Variants in MGMT observed in about 807,000 individuals in gnomAD.
MGMT encodes the protein O-6-methylguanine-DNA methyltransferase.
A neutral mutation model predicts 15.9 loss-of-function variants in MGMT; 14 were observed. The ratio of observed to expected loss-of-function variants is 0.88; its 90% CI spans 0.58 to 1.37. The LOEUF (loss-of-function observed/expected upper bound fraction) is 1.37, where lower values mean the gene tolerates loss of function less well. Ranked by LOEUF, MGMT falls within the 40% of genes most tolerant of loss-of-function variation. MGMT has a pLI of 0.00. For synonymous variants in MGMT, 130 were observed against 118.2 expected (o/e 1.10, Z -0.65); for missense variants, 282 against 268.1 (o/e 1.05, Z -0.36).
chr10:129,672,040 A>G (rs1185161170), intron 2 of MGMT, among the ~76,000 whole-genome samples: 2 of 152,256 alleles, frequency 1.3e-5, no homozygotes, highest in Non-Finnish European at 2.9e-5. Context: ...CTACATGAAT[A>G]CTTGTTTTGG....
At chr10:129,758,833 A>G (rs1418773052) in intron 3 of MGMT, among the ~76,000 whole-genome samples, 1 of 152,186 alleles carries the variant, frequency 6.6e-6, no homozygotes, top group African/African-American at 2.4e-5. Flanking sequence ...AAGATTTCCA[A>G]GCAGGCGGGC....
intron 1 of MGMT, among the ~76,000 whole-genome samples, chr10:129,516,948 A>T (rs1401112713): frequency 6.6e-6 from 1 of 152,232 alleles, no homozygotes; most frequent in African/African-American, 2.4e-5. Flanking sequence ...ACCAACTCTT[A>T]TAGAATATTG....
chr10:129,733,289 T>C (rs1331870985), intron 3 of MGMT, among the ~76,000 whole-genome samples: 6 of 151,586 alleles, frequency 4.0e-5, no homozygotes, highest in Non-Finnish European at 8.8e-5. Flanking sequence ...GGTTTGGATT[T>C]GCATTTCTCT....
intron 2 of MGMT, among the ~76,000 whole-genome samples, chr10:129,539,393 C>G (rs1206557571): frequency 6.6e-6 from 1 of 152,130 alleles, no homozygotes; most frequent in Admixed American, 6.6e-5. Flanking sequence ...CATCAGTTGA[C>G]CAAGGGTGTG....
chr10:129,522,540 T>C (rs748265076), intron 1 of MGMT, among the ~76,000 whole-genome samples: 3 of 152,232 alleles, frequency 2.0e-5, no homozygotes, highest in South Asian at 2.1e-4. Flanking sequence ...ACACACATTA[T>C]GGTGAATCCC....
At chr10:129,640,023 T>G (rs1271954438) in intron 2 of MGMT, among the ~76,000 whole-genome samples, 1 of 150,256 alleles carries the variant, frequency 6.7e-6, no homozygotes, top group Non-Finnish European at 1.5e-5. Flanking sequence ...CAAAACATAC[T>G]GACACTGAAA....
intron 3 of MGMT, among the ~76,000 whole-genome samples, chr10:129,734,330 T>A (rs1195323971): frequency 1.4e-5 from 2 of 139,858 alleles, no homozygotes; most frequent in African/African-American, 4.9e-5. Flanking sequence ...TGATTGTGAA[T>A]GGGAGTTCAC....
chr10:129,629,055 T>C (rs1487767698), intron 2 of MGMT, among the ~76,000 whole-genome samples: 1 of 151,810 alleles, frequency 6.6e-6, no homozygotes, highest in Non-Finnish European at 1.5e-5. Flanking sequence ...AGCCTTGCCC[T>C]GCATGCAGCC....
intron 2 of MGMT, among the ~76,000 whole-genome samples, chr10:129,617,436 G>T (rs1429913451): frequency 1.3e-5 from 2 of 152,060 alleles, no homozygotes; most frequent in African/African-American, 4.8e-5. Context: ...ATTCCTTTGG[G>T]TGTGTGCCCA....
rs549644426 is a variant in MGMT, at chr10:129,731,833, A to G, written c.274+23790A>G. ...GAGTGGCACTGTTGTCCATTTTTGC[A>G]GAATGGAATGCCTTGATGCCTGCCT... On this transcript the variant is annotated intron_variant, in intron 3 of 4. Transcript: ENST00000651593. 3.8e-3 allele frequency among the ~76,000 whole-genome samples: 585 copies of G among 152,334 alleles called. 5 individuals carry two copies. Among genetic ancestry groups the G allele is most frequent in the Non-Finnish European group, 5.9e-3 (400 of 68,018 alleles).
intron 3 of MGMT, among the ~76,000 whole-genome samples, chr10:129,714,627 G>T (rs772083393): frequency 3.3e-5 from 5 of 152,134 alleles, no homozygotes; most frequent in Admixed American, 6.5e-5. Flanking sequence ...CTGTTTCTGA[G>T]AATTATTGTT....
intron 2 of MGMT, among the ~76,000 whole-genome samples, chr10:129,568,071 A>G (rs1254872521): frequency 6.6e-6 from 1 of 152,238 alleles, no homozygotes; most frequent in African/African-American, 2.4e-5. Flanking sequence ...TACGCTTTAA[A>G]TGCAAACCAA....
chr10:129,558,662 T>A (rs1296897407), intron 2 of MGMT, among the ~76,000 whole-genome samples: 1 of 152,186 alleles, frequency 6.6e-6, no homozygotes, highest in Non-Finnish European at 1.5e-5. Context: ...TGTTGTGTTA[T>A]TGTGGAAATC....
intron 2 of MGMT, among the ~76,000 whole-genome samples, chr10:129,594,551 A>G (rs1421014862): frequency 6.6e-6 from 1 of 152,160 alleles, no homozygotes; most frequent in South Asian, 2.1e-4. Flanking sequence ...GTACCTTTCA[A>G]AGGGCTTTGG....
At chr10:129,594,934 G>T (rs1016261183) in intron 2 of MGMT, among the ~76,000 whole-genome samples, 1 of 152,182 alleles carries the variant, frequency 6.6e-6, no homozygotes, top group Non-Finnish European at 1.5e-5. Flanking sequence ...AACCTGCCAG[G>T]CTGGAGAAGA....
rs547461948 is a variant in MGMT, at chr10:129,514,124, A to C, written c.-12-22117A>C. Among the ~76,000 whole-genome samples, 5 of 152,314 alleles carry C rather than the reference A, an allele frequency of 3.3e-5. No individual in the cohort carries two copies. In the East Asian group the frequency reaches 9.6e-4, roughly 29 times the overall value. On this transcript the variant is annotated intron_variant, in intron 1 of 4. Coordinates refer to ENST00000651593, the MANE Select transcript of MGMT (RefSeq NM_002412.5). ...ATTCATTCTGCTGCAATTTAGATAA[A>C]ATGTACCTGCTGAATTTTGTAATAA...
intron 3 of MGMT, among the ~76,000 whole-genome samples, chr10:129,710,567 T>A (rs1848220904): frequency 6.6e-6 from 1 of 152,134 alleles, no homozygotes; most frequent in Non-Finnish European, 1.5e-5. Context: ...GTGTATGGAT[T>A]TTACTGTTTG....
intron 2 of MGMT, among the ~76,000 whole-genome samples, chr10:129,604,505 T>C (rs988292083): frequency 1.3e-5 from 2 of 152,258 alleles, no homozygotes; most frequent in Non-Finnish European, 2.9e-5. Context: ...GTGGTCAGTC[T>C]GTGGGCTCAG....
Position 129,601,920 on chromosome 10 carries a change from A to G in MGMT, c.125+65543A>G, listed in dbSNP as rs552726125. The stretch of plus-strand genomic sequence containing the variant: ...TTTGTCGCCGTGGTACATTACAGCC[A>G]TGGAAATTCCCCGTAGTTCATTGGT... On this transcript the variant is annotated intron_variant, in intron 2 of 4. Transcript: ENST00000651593. Among the ~76,000 whole-genome samples the G allele has an allele frequency of 2.2e-4, 34 of 152,236 alleles. No individual in the cohort carries two copies. In the East Asian group the frequency reaches 6.2e-3, roughly 28 times the overall value.
Sources: gnomAD v4.1 joint callset for allele counts (sites outside exome capture counted in the v4.1 genomes callset) on GRCh38, gnomAD v4.1.1 for gene constraint, MANE v1.5 for transcripts, NCBI Gene and HGNC (gene_info 2026-07-23, HGNC 2026-07-21) for gene names.